ABCD3: variants seen among roughly 807,000 people sequenced by gnomAD.
The protein encoded by ABCD3 is ATP binding cassette subfamily D member 3.
ABCD3 carries 41 observed loss-of-function variants against 105.5 expected under a neutral mutation model. The ratio of observed to expected loss-of-function variants is 0.39; its 90% CI spans 0.30 to 0.50. The LOEUF is 0.50. Among genes scored for constraint, ABCD3 ranks in the 20% least tolerant of loss-of-function variants. ABCD3 has a pLI of 0.84. For missense variants in ABCD3, 622 were observed against 806.3 expected (o/e 0.77, Z 2.77); for synonymous variants, 258 against 269.0 (o/e 0.96, Z 0.40).
Position 94,475,216 on chromosome 1 carries a change from A to C in ABCD3, c.479A>C (p.Lys160Thr). 6.3e-7 allele frequency: 1 copy of C among 1,599,624 alleles called. No homozygotes were observed. The highest frequency in any genetic ancestry group is 1.1e-5 in the South Asian group (1 of 89,224). Residue 160 changes from lysine (K) to threonine (T), a missense_variant, in exon 6 of 23, where the codon AAA (lysine) becomes ACA (threonine). Lys to Thr is a moderately conservative substitution (Grantham distance 78). Transcript: ENST00000370214. Reference sequence around the variant, plus strand: ...CTGTGCTTCCGAGTAAGGCTCACTAAATACCTCTATGAGGAGTATCTTCAG... The same window carrying C: ...CTGTGCTTCCGAGTAAGGCTCACTACATACCTCTATGAGGAGTATCTTCAG... ...LKLCFRVRLT[K>T]YLYEEYLQAF...
intron 1 of ABCD3, among the ~76,000 whole-genome samples, chr1:94,448,692 T>C (rs1358740571): frequency 6.6e-6 from 1 of 152,354 alleles, no homozygotes; most frequent in East Asian, 1.9e-4. Flanking sequence ...CCTTTTGCAG[T>C]GTTTTGCGGT....
chr1:94,403,184 A>G, the ABCD3 span, among the ~76,000 whole-genome samples: 1 of 152,106 alleles, frequency 6.6e-6, no homozygotes, highest in East Asian at 1.9e-4. Context: ...TTTAAACAAA[A>G]TGATCCTCGT....
At chr1:94,457,726 G>T (rs769571612) in intron 1 of ABCD3, among the ~76,000 whole-genome samples, 1 of 152,272 alleles carries the variant, frequency 6.6e-6, no homozygotes, top group East Asian at 1.9e-4. Context: ...CTGATGGACA[G>T]TGCTTGCTTT....
intron 20 of ABCD3, among the ~76,000 whole-genome samples, chr1:94,500,979 G>A (rs74102167): frequency 1.4e-3 from 213 of 152,210 alleles, no homozygotes; most frequent in African/African-American, 4.2e-3. Flanking sequence ...TTAAATTTCT[G>A]TACTATGTCT....
At chr1:94,414,978 A>G (rs934764225), upstream of ABCD3, among the ~76,000 whole-genome samples, 4 of 152,106 alleles carry the variant, frequency 2.6e-5, no homozygotes, top group African/African-American at 9.7e-5. Context: ...TTGACTGAGG[A>G]TGGAGGATCT....
At chr1:94,472,834 T>C (rs1328793587) in intron 4 of ABCD3, among the ~76,000 whole-genome samples, 1 of 152,204 alleles carries the variant, frequency 6.6e-6, no homozygotes, top group Non-Finnish European at 1.5e-5. Context: ...ATATGTCTTA[T>C]GAAATTTGGG....
chr1:94,507,178 C>A (rs983119123), intron 21 of ABCD3, among the ~76,000 whole-genome samples: 1 of 149,094 alleles, frequency 6.7e-6, no homozygotes, highest in African/African-American at 2.5e-5. Flanking sequence ...GTGTGATGTT[C>A]CCCTTCCTGT....
intron 20 of ABCD3, among the ~76,000 whole-genome samples, chr1:94,506,048 T>TA (rs966102401): frequency 1.3e-5 from 2 of 152,060 alleles, no homozygotes; most frequent in Admixed American, 6.5e-5. Flanking sequence ...AGCAAAGGCT[T>TA]AAAAAAATGA....
At chr1:94,472,130 G>C in intron 4 of ABCD3, 2 of 621,364 alleles carry the variant, frequency 3.2e-6, no homozygotes, top group Non-Finnish European at 4.0e-6. Context: ...GTAGTGATTA[G>C]GGCTATTGTA....
intron 22 of ABCD3, 63 bp downstream of exon 22, chr1:94,515,265 G>T: frequency 7.6e-7 from 1 of 1,319,300 alleles, no homozygotes; most frequent in Admixed American, 1.7e-5. Context: ...ATGAATTCAG[G>T]TTAATATGGT....
At chr1:94,506,417 A>T in intron 20 of ABCD3, 121 bp from the exon 21 acceptor site, 1 of 652,498 alleles carries the variant, frequency 1.5e-6, no homozygotes, top group Non-Finnish European at 2.8e-6. Context: ...TTTTTGAATT[A>T]GAATAATTTT....
chr1:94,491,869 C>G (rs1312344398), intron 16 of ABCD3, among the ~76,000 whole-genome samples: 1 of 152,088 alleles, frequency 6.6e-6, no homozygotes, highest in African/African-American at 2.4e-5. Context: ...TTTAGGTTTT[C>G]TCTATGTTGT....
the ABCD3 span, among the ~76,000 whole-genome samples, chr1:94,399,410 T>C: frequency 5.6e-4 from 86 of 152,342 alleles, no homozygotes; most frequent in Non-Finnish European, 1.1e-3. Flanking sequence ...ACTATCTCCA[T>C]TGGTAAGTCC....
rs754507540 is a variant in ABCD3, at chr1:94,458,595, T to A, written c.111-12T>A. 2.0e-4 allele frequency: 316 copies of A among 1,610,472 alleles called. 1 individual carries two copies. Among genetic ancestry groups the A allele is most frequent in the Non-Finnish European group, 8.9e-5 (105 of 1,177,040 alleles). Reference sequence around the variant, plus strand: ...TAAAGTAAAGCTCTCTCTCTCTTTTTTTCCTCTGCAGTAAGAAAAGTGGAA... The same window carrying A: ...TAAAGTAAAGCTCTCTCTCTCTTTTATTCCTCTGCAGTAAGAAAAGTGGAA... On this transcript the variant is annotated splice_polypyrimidine_tract_variant and intron_variant, in intron 1 of 22. Coordinates refer to ENST00000370214, the MANE Select transcript of ABCD3 (RefSeq NM_002858.4).
chr1:94,450,521 C>T (rs1290023490), intron 1 of ABCD3, among the ~76,000 whole-genome samples: 1 of 152,234 alleles, frequency 6.6e-6, no homozygotes, highest in African/African-American at 2.4e-5. Context: ...GCGATCTGTG[C>T]CTTAAGGACA....
chr1:94,444,445 G>C (rs915246634), intron 1 of ABCD3, among the ~76,000 whole-genome samples: 8 of 151,762 alleles, frequency 5.3e-5, no homozygotes, highest in Non-Finnish European at 1.0e-4. Context: ...GATTACAGGT[G>C]TGAGCCACTG....
intron 4 of ABCD3, chr1:94,472,083 ACT>A (rs1648484128): frequency 3.2e-6 from 1 of 316,814 alleles, no homozygotes; most frequent in African/African-American, 2.3e-5. Flanking sequence ...AAATTACCAA[ACT>A]CTCTTTTATA....
chr1:94,455,480 C>T (rs1447375386), intron 1 of ABCD3, among the ~76,000 whole-genome samples: 1 of 152,080 alleles, frequency 6.6e-6, no homozygotes, highest in Non-Finnish European at 1.5e-5. Flanking sequence ...CATGCACCAT[C>T]ACGCCCGGCT....
chr1:94,458,670 G>A (rs1647710841), intron 2 of ABCD3, 27 bp downstream of exon 2: 1 of 1,594,766 alleles, frequency 6.3e-7, no homozygotes, highest in Admixed American at 1.7e-5. Context: ...TCTTCTTTTT[G>A]GGATTTCATG....
Sources: gnomAD v4.1 joint callset for allele counts (sites outside exome capture counted in the v4.1 genomes callset) on GRCh38, gnomAD v4.1.1 for gene constraint, MANE v1.5 for transcripts, NCBI Gene and HGNC (gene_info 2026-07-23, HGNC 2026-07-21) for gene names.